The following SCHIP1 variants were observed in gnomAD, a reference collection of about 807,000 sequenced individuals.
The protein encoded by SCHIP1 is schwannomin interacting protein 1, also known as schwannomin-interacting protein 1.
A neutral mutation model predicts 29.7 loss-of-function variants in SCHIP1; 8 were observed. That is an observed-to-expected ratio of 0.27 (90% CI 0.16 to 0.49). The LOEUF (loss-of-function observed/expected upper bound fraction) is 0.49. Among genes scored for constraint, SCHIP1 ranks in the 20% least tolerant of loss-of-function variants. The probability of loss-of-function intolerance (pLI) is 0.99; values close to 1 mark genes in which losing one functional copy is unlikely to be tolerated. For missense variants in SCHIP1, 193 were observed against 294.6 expected, an observed-to-expected ratio of 0.66 and a Z score of 2.52; for synonymous variants, 76 against 94.9, an observed-to-expected ratio of 0.80 and a Z score of 1.16.
chr3:159,694,269 C>T, the SCHIP1 span, among the ~76,000 whole-genome samples: 1 of 138,422 alleles, frequency 7.2e-6, no homozygotes, highest in African/African-American at 3.1e-5. Flanking sequence ...ACCCTAATCA[C>T]AGCACTTTGG....
chr3:159,676,157 A>G, the SCHIP1 span, among the ~76,000 whole-genome samples: 1 of 152,118 alleles, frequency 6.6e-6, no homozygotes, highest in Non-Finnish European at 1.5e-5. Context: ...TATGAAATCT[A>G]TGGACTTCTT....
chr3:159,387,399 C>T, the SCHIP1 span: 1 of 351,204 alleles, frequency 2.8e-6, no homozygotes, highest in Non-Finnish European at 5.7e-6. Context: ...GACCAGGAAG[C>T]CCAGCTTGGT....
the SCHIP1 span, among the ~76,000 whole-genome samples, chr3:159,285,211 G>T: frequency 6.6e-6 from 1 of 152,136 alleles, no homozygotes; most frequent in South Asian, 2.1e-4. Flanking sequence ...AAGAGTTTCT[G>T]ATCTTTCTTT....
the SCHIP1 span, among the ~76,000 whole-genome samples, chr3:159,399,870 G>A: frequency 6.6e-6 from 1 of 152,132 alleles, no homozygotes; most frequent in Non-Finnish European, 1.5e-5. Flanking sequence ...TAGAGACAAG[G>A]TCTCACTATG....
the SCHIP1 span, among the ~76,000 whole-genome samples, chr3:159,425,966 C>T: frequency 1.3e-5 from 2 of 152,044 alleles, no homozygotes; most frequent in Admixed American, 1.3e-4. Context: ...GAAATGAAGG[C>T]AGAAATAAAG....
chr3:159,765,190 G>A, the SCHIP1 span: 2 of 1,491,512 alleles, frequency 1.3e-6, no homozygotes, highest in East Asian at 2.7e-5. Flanking sequence ...TACACACCCC[G>A]CGCACAGCCC....
At chr3:159,663,090 G>A in the SCHIP1 span, among the ~76,000 whole-genome samples, 7 of 152,130 alleles carry the variant, frequency 4.6e-5, no homozygotes, top group African/African-American at 1.7e-4. Flanking sequence ...AATAGGAAGT[G>A]GGTTTTGTCA....
At chr3:159,338,991 C>A in the SCHIP1 span, among the ~76,000 whole-genome samples, 1 of 152,050 alleles carries the variant, frequency 6.6e-6, no homozygotes, top group Non-Finnish European at 1.5e-5. Context: ...GTGCCTCAAG[C>A]AGATGACACA....
the SCHIP1 span, among the ~76,000 whole-genome samples, chr3:159,482,828 GCAGTCA>G: frequency 2.0e-5 from 3 of 152,186 alleles, no homozygotes; most frequent in Admixed American, 6.5e-5. Flanking sequence ...AGAAAAGCCT[GCAGTCA>G]CATTTCTGGC....
the SCHIP1 span, among the ~76,000 whole-genome samples, chr3:159,654,371 C>T: frequency 6.6e-6 from 1 of 152,092 alleles, no homozygotes; most frequent in Non-Finnish European, 1.5e-5. Context: ...ACTCTGCAGA[C>T]CCATTTAATT....
the SCHIP1 span, among the ~76,000 whole-genome samples, chr3:159,682,359 G>T: frequency 6.6e-6 from 1 of 152,234 alleles, no homozygotes; most frequent in Middle Eastern, 3.4e-3. Context: ...AAAATGACTC[G>T]AGAAAAGGGC....
the SCHIP1 span, among the ~76,000 whole-genome samples, chr3:159,684,588 G>A: frequency 6.6e-6 from 1 of 151,854 alleles, no homozygotes; most frequent in East Asian, 1.9e-4. Context: ...GGTGGATCAC[G>A]AGGTCAGGAG....
chr3:159,655,232 A>G, the SCHIP1 span, among the ~76,000 whole-genome samples: 4 of 152,234 alleles, frequency 2.6e-5, no homozygotes, highest in Admixed American at 2.6e-4. Flanking sequence ...TGTATAGTTG[A>G]TAAGACTTTG....
intron 1 of SCHIP1, chr3:159,845,693 T>A (rs147304381): frequency 6.6e-6 from 1 of 152,228 alleles, no homozygotes; most frequent in African/African-American, 2.4e-5. Context: ...ACAACAGGCT[T>A]CTTGAAGACA....
chr3:159,509,390 G>C, the SCHIP1 span, among the ~76,000 whole-genome samples: 24 of 152,220 alleles, frequency 1.6e-4, no homozygotes, highest in South Asian at 3.3e-3. Flanking sequence ...TTCCTGAATA[G>C]AGCACACTGA....
At chr3:159,304,084 T>C in the SCHIP1 span, among the ~76,000 whole-genome samples, 25 of 148,320 alleles carry the variant, frequency 1.7e-4, no homozygotes, top group Admixed American at 1.7e-3. Context: ...CATTGTTCAG[T>C]TCCCACCTAT....
At chr3:159,636,045 ATTATT>A in the SCHIP1 span, among the ~76,000 whole-genome samples, 492 of 152,120 alleles carry the variant, frequency 3.2e-3, 2 homozygotes, top group African/African-American at 0.011. Context: ...GCAATATTTT[ATTATT>A]TTATTTTATT....
At chr3:159,399,937 C>T in the SCHIP1 span, among the ~76,000 whole-genome samples, 57 of 152,234 alleles carry the variant, frequency 3.7e-4, no homozygotes, top group African/African-American at 1.1e-3. Flanking sequence ...CTTGGCCTCC[C>T]GAAGTGCTGA....
the SCHIP1 span, among the ~76,000 whole-genome samples, chr3:159,395,305 G>T: frequency 0.03 from 4,620 of 151,862 alleles, 265 homozygotes; most frequent in African/African-American, 0.11. Flanking sequence ...AGGGTTTTTT[G>T]TGTCTCTATT....
Sources: allele counts gnomAD v4.1 joint callset (sites outside exome capture counted in the v4.1 genomes callset), GRCh38; gene constraint gnomAD v4.1.1; transcripts MANE v1.5; gene names NCBI Gene and HGNC (gene_info 2026-07-23, HGNC 2026-07-21).